TSPEAR: variants seen among roughly 807,000 people sequenced by gnomAD.
TSPEAR encodes the protein thrombospondin-type laminin G domain and EAR repeat-containing protein.
In TSPEAR, 69 loss-of-function variants were observed where a neutral mutation model predicts 71.6. That is an observed-to-expected ratio of 0.96 (90% CI 0.79 to 1.18). The LOEUF (loss-of-function observed/expected upper bound fraction) is 1.18. TSPEAR is among the 50% of genes most tolerant of loss of function. TSPEAR has a pLI of 0.00. For synonymous variants in TSPEAR, 402 were observed against 387.2 expected (o/e 1.04, Z -0.45); for missense variants, 971 against 894.9 (o/e 1.09, Z -1.09).
At chr21:44,672,487 G>A (rs375340855) in intron 1 of TSPEAR, among the ~76,000 whole-genome samples, 173 of 152,278 alleles carry the variant, frequency 1.1e-3, no homozygotes, top group African/African-American at 3.9e-3. Context: ...GGAAAATGGC[G>A]TGAACCTGGG....
chr21:44,527,656 G>A (rs587731342), intron 6 of TSPEAR, 138 bp from the exon 7 acceptor site: 29 of 791,598 alleles, frequency 3.7e-5, no homozygotes, highest in South Asian at 2.1e-4. Context: ...CAGTTTCCAC[G>A]TTTCGCTCTC....
At chr21:44,587,336 G>A (rs1049192538) in intron 1 of TSPEAR, among the ~76,000 whole-genome samples, 1 of 152,196 alleles carries the variant, frequency 6.6e-6, no homozygotes. Context: ...ACCCAAGGAG[G>A]TGAAAGACCT....
intron 9 of TSPEAR, chr21:44,518,381 T>C (rs1555913795): frequency 2.3e-6 from 1 of 433,058 alleles, no homozygotes; most frequent in South Asian, 1.7e-5. Flanking sequence ...TGCAGTGTCG[T>C]GAAGAAGACA....
chr21:44,588,428 G>A (rs62220885), intron 1 of TSPEAR, among the ~76,000 whole-genome samples: 66 of 152,138 alleles, frequency 4.3e-4, no homozygotes, highest in Non-Finnish European at 8.2e-4. Context: ...ACTCCTGGTG[G>A]GAATGTAAAC....
rs782637094 is a variant in TSPEAR, at chr21:44,612,882, G to A, written c.83-44877C>T. On this transcript the variant is annotated intron_variant, in intron 1 of 11. Coordinates refer to ENST00000323084, the MANE Select transcript of TSPEAR (RefSeq NM_144991.3). The surrounding 1 kb of genome is among the most constrained non-coding windows in gnomAD (Gnocchi z 4.1). ...GCGTGCTCCCGCCTGGCCTGCTGAGGCCTCTGCTCAGGCCAGGAGTCCAGC... is the reference window on the plus strand; with the variant it reads ...GCGTGCTCCCGCCTGGCCTGCTGAGACCTCTGCTCAGGCCAGGAGTCCAGC... The A allele has an allele frequency of 6.2e-7, 1 of 1,610,760 alleles. No individual in the cohort carries two copies. Among genetic ancestry groups the A allele is most frequent in the African/African-American group, 1.3e-5 (1 of 74,878 alleles).
chr21:44,522,952 T>A (rs1257424763), intron 8 of TSPEAR, among the ~76,000 whole-genome samples: 1 of 152,264 alleles, frequency 6.6e-6, no homozygotes, highest in Non-Finnish European at 1.5e-5. Context: ...TGTCAGTCAG[T>A]CATTGAGGTA....
At chr21:44,684,655 G>A (rs1986772280) in intron 1 of TSPEAR, among the ~76,000 whole-genome samples, 1 of 152,236 alleles carries the variant, frequency 6.6e-6, no homozygotes, top group South Asian at 2.1e-4. Flanking sequence ...GGTTGACTAG[G>A]ACGAGGCCAG....
At chr21:44,682,258 T>C in intron 1 of TSPEAR, 5 of 1,046,870 alleles carry the variant, frequency 4.8e-6, no homozygotes, top group Non-Finnish European at 5.5e-6. Context: ...CTTGTTTTTC[T>C]TCCTCAAGGC....
intron 1 of TSPEAR, among the ~76,000 whole-genome samples, chr21:44,670,032 CAGA>C (rs1985980952): frequency 6.6e-6 from 1 of 152,288 alleles, no homozygotes; most frequent in Admixed American, 6.5e-5. Context: ...ACATAAGTCT[CAGA>C]AGATTACTCA....
intron 1 of TSPEAR, among the ~76,000 whole-genome samples, chr21:44,689,836 C>T (rs1987052646): frequency 6.7e-6 from 1 of 149,814 alleles, no homozygotes; most frequent in South Asian, 2.2e-4. Flanking sequence ...GTCTGAGTCC[C>T]AAAACTGAAG....
At chr21:44,523,692 G>A (rs587709746) in intron 8 of TSPEAR, among the ~76,000 whole-genome samples, 19 of 151,458 alleles carry the variant, frequency 1.3e-4, no homozygotes, top group African/African-American at 4.6e-4. Context: ...CAGCCAGTCA[G>A]ATAGGCAGGT....
At chr21:44,617,873 A>G (rs782385301) in intron 1 of TSPEAR, among the ~76,000 whole-genome samples, 1 of 152,216 alleles carries the variant, frequency 6.6e-6, no homozygotes, top group Non-Finnish European at 1.5e-5. Context: ...CCACACTCAG[A>G]TATGTGTTTG....
chr21:44,666,540 G>A (rs12483730), intron 1 of TSPEAR: 323,961 of 1,613,482 alleles, frequency 0.2, 33,705 homozygotes, highest in Non-Finnish European at 0.21. Context: ...GGACGGAGCC[G>A]CATACACGAC....
intron 1 of TSPEAR, among the ~76,000 whole-genome samples, chr21:44,606,059 G>C (rs144994255): frequency 1.7e-4 from 26 of 148,672 alleles, no homozygotes; most frequent in African/African-American, 6.2e-4. Context: ...TTTGATGAGG[G>C]ACTACTACTC....
intron 1 of TSPEAR, chr21:44,591,438 G>A: frequency 6.2e-7 from 1 of 1,613,828 alleles, no homozygotes. Flanking sequence ...CAGGGCGGGA[G>A]CACATGGGGC....
chr21:44,594,109 G>A (rs782370170), intron 1 of TSPEAR, among the ~76,000 whole-genome samples: 1 of 152,182 alleles, frequency 6.6e-6, no homozygotes, highest in African/African-American at 2.4e-5. Flanking sequence ...CAAGTGGTCC[G>A]TATTCAGAAA....
In TSPEAR at chr21:44,529,781, G is replaced by T; in HGVS notation, c.790+17C>A. On this transcript the variant is annotated intron_variant, in intron 5 of 11. Coordinates refer to ENST00000323084, the MANE Select transcript of TSPEAR (RefSeq NM_144991.3). ...GCATCTGCCTTTGGTGTGGGGGCGG[G>T]TGGCCCCCCTACTAACCATAGGGAT... 6.2e-7 allele frequency: 1 copy of T among 1,613,212 alleles called. No homozygotes were observed. Among genetic ancestry groups the T allele is most frequent in the Non-Finnish European group, 8.5e-7 (1 of 1,179,692 alleles).
intron 9 of TSPEAR, among the ~76,000 whole-genome samples, 190 bp from the exon 10 acceptor site, chr21:44,509,576 AGAGCGGGCGCAGAGGTGTGAGT>A (rs1430323791): frequency 3.1e-5 from 4 of 131,016 alleles, no homozygotes; most frequent in Middle Eastern, 3.9e-3. Context: ...GAGGTGTGGG[AGAGCGGGCGCAGAGGTGTGAGT>A]GAGCAGCACT....
At chr21:44,574,155 T>C (rs376475986) in intron 1 of TSPEAR, 4 of 1,591,802 alleles carry the variant, frequency 2.5e-6, no homozygotes, top group South Asian at 1.1e-5. Flanking sequence ...CTGTGGGGAT[T>C]CTTCATGCTG....
Sources: gnomAD v4.1 joint callset for allele counts (sites outside exome capture counted in the v4.1 genomes callset) on GRCh38, gnomAD v4.1.1 for gene constraint, Gnocchi (gnomAD v3.1) non-coding constraint, MANE v1.5 for transcripts, NCBI Gene and HGNC (gene_info 2026-07-23, HGNC 2026-07-21) for gene names.